Variants in INPP5A observed in about 807,000 individuals in gnomAD.
INPP5A encodes inositol polyphosphate-5-phosphatase A, also known as 43 kDa inositol polyphosphate 5-phophatase.
In INPP5A, 14 loss-of-function variants were observed where a neutral mutation model predicts 65.2. That is an observed-to-expected ratio of 0.21 (90% CI 0.14 to 0.34). INPP5A has a LOEUF of 0.34. INPP5A is among the 10% of genes least tolerant of loss of function. The pLI is 1.00. For synonymous variants in INPP5A, 207 were observed against 208.3 expected (o/e 0.99, Z 0.05); for missense variants, 431 against 545.6 (o/e 0.79, Z 2.09).
intron 1 of INPP5A, among the ~76,000 whole-genome samples, chr10:132,572,200 G>A (rs1443583395): frequency 1.3e-5 from 2 of 152,244 alleles, no homozygotes; most frequent in Non-Finnish European, 2.9e-5. Context: ...TGGCCGGAGG[G>A]ACCATTGTGA....
At chr10:132,768,520 T>C (rs527429960) in intron 12 of INPP5A, among the ~76,000 whole-genome samples, 1 of 152,204 alleles carries the variant, frequency 6.6e-6, no homozygotes. Context: ...TGGCGGGGGG[T>C]CCCGAGTGCC....
chr10:132,661,769 C>T (rs1263865985), intron 4 of INPP5A, among the ~76,000 whole-genome samples: 3 of 151,980 alleles, frequency 2.0e-5, no homozygotes, highest in African/African-American at 4.8e-5. Flanking sequence ...CCTTATACTA[C>T]CTGATTAAGA....
chr10:132,607,036 C>T (rs1442696154), intron 1 of INPP5A, among the ~76,000 whole-genome samples: 2 of 152,190 alleles, frequency 1.3e-5, no homozygotes, highest in African/African-American at 2.4e-5. Context: ...TGAGCGTGGG[C>T]GGCTTGTGCT....
chr10:132,681,061 G>C (rs935242324), intron 4 of INPP5A, among the ~76,000 whole-genome samples: 5 of 152,242 alleles, frequency 3.3e-5, no homozygotes, highest in Non-Finnish European at 2.9e-5. Flanking sequence ...GGACTGGCAG[G>C]CAGCTCCACC....
intron 4 of INPP5A, among the ~76,000 whole-genome samples, chr10:132,687,133 C>T (rs867514165): frequency 9.9e-5 from 15 of 152,224 alleles, no homozygotes; most frequent in African/African-American, 2.4e-4. Flanking sequence ...TTAGTAAAGA[C>T]GGGGTTTCAC....
At chr10:132,683,496 C>T (rs971872747) in intron 4 of INPP5A, among the ~76,000 whole-genome samples, 7 of 152,126 alleles carry the variant, frequency 4.6e-5, no homozygotes, top group Admixed American at 6.5e-5. Context: ...TGTGTATTAC[C>T]CTATGTGGAG....
intron 1 of INPP5A, among the ~76,000 whole-genome samples, chr10:132,562,628 C>G (rs901630935): frequency 6.6e-6 from 1 of 152,260 alleles, no homozygotes; most frequent in Non-Finnish European, 1.5e-5. Flanking sequence ...CGAGTGTGGC[C>G]AGTATGAACT....
At chr10:132,699,367 G>C (rs567293919) in intron 6 of INPP5A, among the ~76,000 whole-genome samples, 1 of 150,332 alleles carries the variant, frequency 6.7e-6, no homozygotes, top group Non-Finnish European at 1.5e-5. Context: ...TGGGGTGGGG[G>C]GGGGCTGGGC....
intron 9 of INPP5A, among the ~76,000 whole-genome samples, chr10:132,730,743 T>C (rs913193): frequency 0.25 from 37,472 of 152,166 alleles, 4,726 homozygotes; most frequent in African/African-American, 0.28. Context: ...AGGTGGCGTC[T>C]TGAAGTCCCA....
chr10:132,591,067 G>T (rs2819718), intron 1 of INPP5A, among the ~76,000 whole-genome samples: 35,170 of 152,192 alleles, frequency 0.23, 4,859 homozygotes, highest in East Asian at 0.46. Context: ...GCCATTTGGG[G>T]ATCTTCTGTG....
intron 12 of INPP5A, among the ~76,000 whole-genome samples, chr10:132,772,531 C>T (rs1463745682): frequency 4.3e-5 from 5 of 117,224 alleles, no homozygotes; most frequent in African/African-American, 1.6e-4. Flanking sequence ...AAGAGTGGGA[C>T]GGACACTCAG....
chr10:132,579,168 G>A (rs937574602), intron 1 of INPP5A, among the ~76,000 whole-genome samples: 3 of 152,000 alleles, frequency 2.0e-5, no homozygotes, highest in Non-Finnish European at 4.4e-5. Context: ...CGCCGGTTGC[G>A]GGCTCCAAGC....
At position 132,603,843 on chromosome 10, in the gene INPP5A, G is replaced by A. The variant is rs2071805338; in HGVS notation, c.76-4072G>A. On this transcript the variant is annotated intron_variant, in intron 1 of 15. Coordinates refer to ENST00000368594, the MANE Select transcript of INPP5A (RefSeq NM_005539.5). This position sits in a 1 kb window ranked among gnomAD's most constrained non-coding sequence, Gnocchi z 4.2. Reference sequence around the variant, plus strand: ...TTCTGTACTGTGTGGACATGGTGTGGGTCACTGTGGTCTTTCCTTTCTGAC... The same window carrying A: ...TTCTGTACTGTGTGGACATGGTGTGAGTCACTGTGGTCTTTCCTTTCTGAC... Among the ~76,000 whole-genome samples, 1 of 152,074 alleles carries A rather than the reference G, an allele frequency of 6.6e-6. No individual in the cohort carries two copies. Among genetic ancestry groups the A allele is most frequent in the Non-Finnish European group, 1.5e-5 (1 of 68,024 alleles).
At chr10:132,556,261 A>G (rs930813458) in intron 1 of INPP5A, among the ~76,000 whole-genome samples, 2 of 151,952 alleles carry the variant, frequency 1.3e-5, no homozygotes, top group Non-Finnish European at 2.9e-5. Flanking sequence ...CTGCTGTGAA[A>G]TTTGCTCCAC....
At chr10:132,773,618 C>T (rs1010275751) in intron 12 of INPP5A, among the ~76,000 whole-genome samples, 2 of 152,232 alleles carry the variant, frequency 1.3e-5, no homozygotes, top group African/African-American at 2.4e-5. Context: ...GCCGCCCGTC[C>T]GCCTGGTGGT....
chr10:132,772,958 C>T (rs1846983137), intron 12 of INPP5A, among the ~76,000 whole-genome samples: 1 of 152,368 alleles, frequency 6.6e-6, no homozygotes, highest in East Asian at 1.9e-4. Flanking sequence ...TGCAGCGAGC[C>T]GCCGCTGCGC....
chr10:132,733,953 G>A (rs545107039), intron 9 of INPP5A, among the ~76,000 whole-genome samples: 14 of 152,302 alleles, frequency 9.2e-5, no homozygotes, highest in African/African-American at 2.9e-4. Flanking sequence ...GGGCTCTCCC[G>A]GACCTGCGAG....
intron 8 of INPP5A, among the ~76,000 whole-genome samples, chr10:132,712,724 A>T (rs368746333): frequency 8.1e-4 from 109 of 134,854 alleles, no homozygotes; most frequent in African/African-American, 3.0e-3. Flanking sequence ...GTGCAGGTGT[A>T]TGCATGTGTA....
chr10:132,595,395 T>C (rs1276863404), intron 1 of INPP5A, among the ~76,000 whole-genome samples: 1 of 152,264 alleles, frequency 6.6e-6, no homozygotes, highest in Non-Finnish European at 1.5e-5. Context: ...AATCTTTACT[T>C]TGATAACATA....
Sources: allele counts gnomAD v4.1 joint callset (sites outside exome capture counted in the v4.1 genomes callset), GRCh38; gene constraint gnomAD v4.1.1; non-coding constraint Gnocchi (gnomAD v3.1); transcripts MANE v1.5; gene names NCBI Gene and HGNC (gene_info 2026-07-23, HGNC 2026-07-21).